The following STRAP variants were observed in gnomAD, a reference collection of about 807,000 sequenced individuals.
STRAP encodes the protein serine/threonine kinase receptor associated protein, also known as serine-threonine kinase receptor-associated protein.
In STRAP, 16 loss-of-function variants were observed where a neutral mutation model predicts 47.0. The ratio of observed to expected loss-of-function variants is 0.34; its 90% confidence interval spans 0.23 to 0.52. STRAP has a LOEUF of 0.52. STRAP is among the 20% of genes least tolerant of loss of function. STRAP has a pLI of 0.96. For missense variants in STRAP, 293 were observed against 420.0 expected (o/e 0.70, Z 2.64); for synonymous variants, 130 against 142.7 (o/e 0.91, Z 0.63).
Position 15,882,473 on chromosome 12 carries a change from C to G in STRAP, c.-235C>G. 9 of 446,796 alleles carry G rather than the reference C, an allele frequency of 2.0e-5. No individual in the cohort carries two copies. Among genetic ancestry groups the G allele is most frequent in the East Asian group, 1.3e-4 (3 of 22,960 alleles). 27.7% of individuals were successfully genotyped at this position (446,796 alleles called of 1,614,324 possible). A position where few individuals can be genotyped will look rare whatever the true frequency, so the allele number is the denominator to read the frequency against. On this transcript the variant is annotated 5_prime_UTR_variant, in exon 1 of 10. Transcript: ENST00000419869. The stretch of plus-strand genomic sequence containing the variant: ...GCTTCTCCCCATCCCCTACTTTCCT[C>G]CCTCCCTCCCTTTCCCTCCCTCGTC...
At position 15,891,788 on chromosome 12, in the gene STRAP, C is replaced by CA. The variant is rs1257977321; in HGVS notation, c.403+1126dup. Among the ~76,000 whole-genome samples, 146 of 151,910 alleles carry CA rather than the reference C, an allele frequency of 9.6e-4. 1 individual carries two copies. Among genetic ancestry groups the CA allele is most frequent in the Non-Finnish European group, 4.3e-4 (29 of 67,940 alleles). The stretch of plus-strand genomic sequence containing the variant: ...TGAAACCCCATCTCTACTAAAAGTA[C>CA]AAAAAAATTAGCTGGGCATGGTGGC... On this transcript the variant is annotated intron_variant, in intron 4 of 9. Transcript: ENST00000419869.
Position 15,894,194 on chromosome 12 carries a change from T to G in STRAP, c.500+51T>G. ...ACAATTTAAGGCCGGGCATGGTGGC[T>G]CACGCCTATAATCTCAGCACTTTGG... On this transcript the variant is annotated intron_variant, in intron 5 of 9. Coordinates refer to ENST00000419869, the MANE Select transcript of STRAP (RefSeq NM_007178.4). The surrounding 1 kb of genome is among the most constrained non-coding windows in gnomAD (Gnocchi z 4.9). 4 of 1,463,102 alleles carry G rather than the reference T, an allele frequency of 2.7e-6. No homozygotes were observed. Among genetic ancestry groups the G allele is most frequent in the Non-Finnish European group, 3.8e-6 (4 of 1,047,034 alleles). 90.6% of individuals were successfully genotyped at this position (1,463,102 alleles called of 1,614,324 possible).
chr12:15,890,120 ATTTG>A lies in STRAP; in HGVS notation c.330+114_330+117del. 1.0e-6 allele frequency: 1 copy of A among 977,870 alleles called. No homozygotes were observed. The highest frequency in any genetic ancestry group is 1.6e-6 in the Non-Finnish European group (1 of 637,156). The allele number at this position is 977,870 out of a possible 1,614,324, so 60.6% of individuals were successfully genotyped here. ...TTGATTGATATGTTTTGTGTGGAATATTTGTTATTTCTTGGTTCATATTTGATTT... is the reference window on the plus strand; with the variant it reads ...TTGATTGATATGTTTTGTGTGGAATATTATTTCTTGGTTCATATTTGATTT... On this transcript the variant is annotated intron_variant, in intron 3 of 9. Transcript: ENST00000419869. The surrounding 1 kb of genome is among the most constrained non-coding windows in gnomAD (Gnocchi z 4.5).
intron 2 of STRAP, among the ~76,000 whole-genome samples, chr12:15,889,435 T>TGGTAC (rs879930983): frequency 0.012 from 1,781 of 152,298 alleles, 34 homozygotes; most frequent in East Asian, 0.048. Flanking sequence ...AAATTTTACT[T>TGGTAC]AGCCTGTACC....
chr12:15,894,959 A>C lies in STRAP; in HGVS notation c.501-400A>C, dbSNP rs1948047940. Among the ~76,000 whole-genome samples, 1 of 152,224 alleles carries C rather than the reference A, an allele frequency of 6.6e-6. No individual in the cohort carries two copies. Among genetic ancestry groups the C allele is most frequent in the South Asian group, 2.1e-4 (1 of 4,834 alleles). Reference sequence around the variant, plus strand: ...AAAGGGAGGGACCATGAAGCCTCTGAAATTCTATACAAAATCTTGTGTGCT... The same window carrying C: ...AAAGGGAGGGACCATGAAGCCTCTGCAATTCTATACAAAATCTTGTGTGCT... On this transcript the variant is annotated intron_variant, in intron 5 of 9. Transcript: ENST00000419869. This position sits in a 1 kb window ranked among gnomAD's most constrained non-coding sequence, Gnocchi z 4.9.
Position 15,894,245 on chromosome 12 carries a change from G to C in STRAP, c.500+102G>C, listed in dbSNP as rs538778237. ...GAGGCGAGCCGGGTGGATCATTAGA[G>C]GTCAGGAGTACTAGACCAGCCTGGC... On this transcript the variant is annotated intron_variant, in intron 5 of 9. Transcript: ENST00000419869. This position sits in a 1 kb window ranked among gnomAD's most constrained non-coding sequence, Gnocchi z 4.9. 3.6e-5 allele frequency: 31 copies of C among 851,504 alleles called. No homozygotes were observed. The Admixed American group carries it at 4.3e-4, about 12-fold the overall frequency. 52.7% of individuals were successfully genotyped at this position (851,504 alleles called of 1,614,324 possible). A position where few individuals can be genotyped will look rare whatever the true frequency, so the allele number is the denominator to read the frequency against.
chr12:15,886,090 C>T (rs1404496792), intron 2 of STRAP, among the ~76,000 whole-genome samples: 2 of 151,956 alleles, frequency 1.3e-5, no homozygotes, highest in Admixed American at 6.6e-5. Context: ...TCAGTTAAGG[C>T]TTTAGGTGCT....
chr12:15,885,180 GTTTT>G (rs749702060), intron 2 of STRAP, among the ~76,000 whole-genome samples: 41 of 99,588 alleles, frequency 4.1e-4, no homozygotes, highest in African/African-American at 1.7e-3. Context: ...TACAAGTGGT[GTTTT>G]TTTTTTTTTT....
chr12:15,884,009 T>C (rs544077803), intron 2 of STRAP, among the ~76,000 whole-genome samples: 2 of 152,248 alleles, frequency 1.3e-5, no homozygotes, highest in Non-Finnish European at 2.9e-5. Context: ...ATATCCTACA[T>C]TGATGGCCCT....
Position 15,889,747 on chromosome 12 carries a change from T to C in STRAP, c.249-181T>C, listed in dbSNP as rs1028144943. ...AGAAATTTCTTTTCCCTTAAGCTTA[T>C]TTAAATATTTTATCAAATGAAGTCT... On this transcript the variant is annotated intron_variant, in intron 2 of 9. Transcript: ENST00000419869. Among the ~76,000 whole-genome samples, 5 of 152,194 alleles carry C rather than the reference T, an allele frequency of 3.3e-5. 1 individual carries two copies. Among genetic ancestry groups the C allele is most frequent in the Non-Finnish European group, 5.9e-5 (4 of 68,012 alleles).
chr12:15,893,455 TATA>T (rs1352812892), intron 4 of STRAP, among the ~76,000 whole-genome samples: 1 of 147,062 alleles, frequency 6.8e-6, no homozygotes, highest in African/African-American at 2.5e-5. Flanking sequence ...TTATTATACA[TATA>T]ATAAATATAT....
chr12:15,886,012 A>T (rs1947967818), intron 2 of STRAP, among the ~76,000 whole-genome samples: 1 of 152,174 alleles, frequency 6.6e-6, no homozygotes, highest in African/African-American at 2.4e-5. Flanking sequence ...ATTTGGCCTC[A>T]TATAAGGAAG....
chr12:15,891,742 A>C (rs1171283821), intron 4 of STRAP, among the ~76,000 whole-genome samples: 1 of 152,190 alleles, frequency 6.6e-6, no homozygotes, highest in African/African-American at 2.4e-5. Flanking sequence ...CAGGAGTTCA[A>C]TACCAGCCTG....
At chr12:15,901,497 C>G (rs915684270) in intron 9 of STRAP, among the ~76,000 whole-genome samples, 1 of 152,130 alleles carries the variant, frequency 6.6e-6, no homozygotes, top group East Asian at 1.9e-4. Flanking sequence ...AAGAACTTCT[C>G]CATGCCTCCA....
chr12:15,895,463 A>T lies in STRAP; in HGVS notation c.605A>T (p.Tyr202Phe). ...GAGGGAGAGATTTTGGTTATAACTT[A>T]TGGACGATCTATTGCTTTTCATAGT... The part of the protein sequence containing the change: ...IPEGEILVIT[Y>F]GRSIAFHSAV... The change falls in exon 6 of 10, where the codon TAT (tyrosine) becomes TTT (phenylalanine). Residue 202 changes from tyrosine to phenylalanine, a missense_variant. Physicochemically the swap from Tyr to Phe is conservative, Grantham distance 22 (BLOSUM62 3). This residue lies in a region of STRAP where 152 missense variants were observed against 183.0 expected (regional missense o/e 0.83). Transcript: ENST00000419869. 1.2e-6 allele frequency: 2 copies of T among 1,607,704 alleles called. No individual in the cohort carries two copies. Among genetic ancestry groups the T allele is most frequent in the East Asian group, 4.5e-5 (2 of 44,610 alleles).
rs1948052607 is a variant in STRAP at position 15,895,502 on chromosome 12, T to A, written c.638+6T>A. 1 of 1,583,114 alleles carries A rather than the reference T, an allele frequency of 6.3e-7. No homozygotes were observed. The highest frequency in any genetic ancestry group is 1.2e-5 in the South Asian group (1 of 83,882). On this transcript the variant is annotated splice_donor_region_variant and intron_variant, in intron 6 of 9. Coordinates refer to ENST00000419869, the MANE Select transcript of STRAP (RefSeq NM_007178.4). Reference sequence around the variant, plus strand: ...GCTTTTCATAGTGCAGTAAGGTATGTCCAAGAAATACTTTCATTTTCTTTT... The same window carrying A: ...GCTTTTCATAGTGCAGTAAGGTATGACCAAGAAATACTTTCATTTTCTTTT...
chr12:15,892,196 C>T (rs1363249764), intron 4 of STRAP, among the ~76,000 whole-genome samples: 1 of 151,786 alleles, frequency 6.6e-6, no homozygotes, highest in Non-Finnish European at 1.5e-5. Context: ...ACCTTTTGTC[C>T]ATTTATCTGT....
chr12:15,892,919 T>C (rs553191386), intron 4 of STRAP, among the ~76,000 whole-genome samples: 10 of 152,350 alleles, frequency 6.6e-5, no homozygotes, highest in Admixed American at 6.5e-4. Context: ...AAAGTTGCTC[T>C]TTCGCTGTGC....
At position 15,902,885 on chromosome 12, in the gene STRAP, C is replaced by CTTTTTTT. The variant is rs71042274; in HGVS notation, c.992-15_992-9dup. 2,182 of 1,101,498 alleles carry CTTTTTTT rather than the reference C, an allele frequency of 2.0e-3. 1 individual carries two copies. The highest frequency in any genetic ancestry group is 4.9e-3 in the African/African-American group (224 of 45,638). The allele number at this position is 1,101,498 out of a possible 1,614,324, so 68.2% of individuals were successfully genotyped here. A position where few individuals can be genotyped will look rare whatever the true frequency, so the allele number is the denominator to read the frequency against. ...TCTTTCATTAAGTTGACTAATGTGA[C>CTTTTTTT]TTTTTTTTTTTTTTTTTTTTTTTAC... On this transcript the variant is annotated intron_variant, in intron 9 of 9. Coordinates refer to ENST00000419869, the MANE Select transcript of STRAP (RefSeq NM_007178.4).
Sources: gnomAD v4.1 joint callset for allele counts (sites outside exome capture counted in the v4.1 genomes callset) on GRCh38, gnomAD v4.1.1 for gene constraint, gnomAD v4.1.1 regional missense constraint, Gnocchi (gnomAD v3.1) non-coding constraint, MANE v1.5 for transcripts, NCBI Gene and HGNC (gene_info 2026-07-23, HGNC 2026-07-21) for gene names.